ZNRF3: variants seen among roughly 807,000 people sequenced by gnomAD.
ZNRF3 encodes the protein E3 ubiquitin-protein ligase ZNRF3.
In ZNRF3, 23 loss-of-function variants were observed where a neutral mutation model predicts 72.5. That is an observed-to-expected ratio of 0.32 (90% CI 0.23 to 0.45). ZNRF3 has a LOEUF of 0.45. Ranked by LOEUF, ZNRF3 falls within the 20% of genes least tolerant of loss-of-function variation. The pLI is 1.00. For synonymous variants in ZNRF3, 610 were observed against 545.3 expected (o/e 1.12, Z -1.65); for missense variants, 1,169 against 1,272.1 (o/e 0.92, Z 1.23).
At chr22:29,013,485 C>T (rs1569281221) in intron 2 of ZNRF3, among the ~76,000 whole-genome samples, 1 of 152,146 alleles carries the variant, frequency 6.6e-6, no homozygotes, top group Non-Finnish European at 1.5e-5. Flanking sequence ...AAGACGACAC[C>T]TTGCCCTTTT....
In ZNRF3 at chr22:28,884,131, G is replaced by T. The variant is rs1601521172; in HGVS notation, c.300+65G>T. Reference sequence around the variant, plus strand: ...CAAGATGGCTCCGGGGGCTGCGCCCGCCGACCCCGCCGCGGGCTGCCTGAC... The same window carrying T: ...CAAGATGGCTCCGGGGGCTGCGCCCTCCGACCCCGCCGCGGGCTGCCTGAC... On this transcript the variant is annotated intron_variant, in intron 1 of 8. Transcript: ENST00000544604. 3.8e-6 allele frequency: 4 copies of T among 1,039,442 alleles called. No individual in the cohort carries two copies. The East Asian group carries it at 2.0e-4, about 53-fold the overall frequency. 64.4% of individuals were successfully genotyped at this position (1,039,442 alleles called of 1,614,324 possible).
Position 29,050,430 on chromosome 22 carries a change from C to A in ZNRF3, c.2249C>A (p.Pro750His), listed in dbSNP as rs1223415452. The A allele has an allele frequency of 9.9e-6, 16 of 1,608,710 alleles. No homozygotes were observed. Among genetic ancestry groups the A allele is most frequent in the Non-Finnish European group, 1.3e-5 (15 of 1,177,520 alleles). Residue 750 changes from proline to histidine, a missense_variant, in exon 8 of 9, where the codon CCC becomes CAC. This residue lies in a region of ZNRF3 where 783 missense variants were observed against 731.4 expected (regional missense o/e 1.07). Transcript: ENST00000544604. The part of the protein sequence containing the change: ...YEGSGPAGGE[P>H]QSGSSQGLYG... ...GGCTCTGGCCCGGCGGGTGGGGAGC[C>A]CCAGTCAGGAAGCTCCCAGGGCTTG...
At chr22:29,033,813 TAAGG>T (rs2036812367) in intron 2 of ZNRF3, among the ~76,000 whole-genome samples, 1 of 152,022 alleles carries the variant, frequency 6.6e-6, no homozygotes, top group Non-Finnish European at 1.5e-5. Flanking sequence ...TTGGGGGAAG[TAAGG>T]ATTGTATGAA....
chr22:28,993,582 C>T (rs912028690), intron 2 of ZNRF3, among the ~76,000 whole-genome samples: 3 of 152,120 alleles, frequency 2.0e-5, no homozygotes, highest in Non-Finnish European at 2.9e-5. Context: ...GACAGAGAAC[C>T]GAGTCAAAGG....
chr22:28,982,977 G>A (rs1256450032), intron 1 of ZNRF3, among the ~76,000 whole-genome samples: 1 of 152,164 alleles, frequency 6.6e-6, no homozygotes, highest in Non-Finnish European at 1.5e-5. Flanking sequence ...AAGGAGCTCA[G>A]GAGAGAGGGA....
At chr22:28,904,059 A>G (rs2034159369) in intron 1 of ZNRF3, among the ~76,000 whole-genome samples, 1 of 152,056 alleles carries the variant, frequency 6.6e-6, no homozygotes, top group Non-Finnish European at 1.5e-5. Flanking sequence ...TTAGAGAGTG[A>G]GCTTGTTCTT....
chr22:28,937,023 A>G (rs928059859), intron 1 of ZNRF3, among the ~76,000 whole-genome samples: 1 of 151,912 alleles, frequency 6.6e-6, no homozygotes, highest in Non-Finnish European at 1.5e-5. Context: ...ATACAGGTTT[A>G]GGATTCTTTT....
At chr22:29,012,530 C>T (rs2036363917) in intron 2 of ZNRF3, among the ~76,000 whole-genome samples, 1 of 152,128 alleles carries the variant, frequency 6.6e-6, no homozygotes, top group Non-Finnish European at 1.5e-5. Flanking sequence ...CTCTCTGGGA[C>T]CAAAGTATCA....
intron 1 of ZNRF3, among the ~76,000 whole-genome samples, chr22:28,945,148 TCA>T (rs2035029053): frequency 7.4e-6 from 1 of 134,558 alleles, no homozygotes. Flanking sequence ...AGACCCTGTC[TCA>T]AAAAAAAAAA....
intron 1 of ZNRF3, among the ~76,000 whole-genome samples, chr22:28,971,059 C>T (rs924051343): frequency 6.6e-6 from 1 of 152,118 alleles, no homozygotes; most frequent in Non-Finnish European, 1.5e-5. Context: ...TGTGGTGGCA[C>T]AAGCCTGTAG....
intron 2 of ZNRF3, among the ~76,000 whole-genome samples, chr22:29,021,038 C>T (rs948132378): frequency 4.6e-5 from 7 of 151,912 alleles, no homozygotes; most frequent in African/African-American, 1.5e-4. Context: ...GCTTGTGATC[C>T]GCCCACCTCG....
chr22:28,979,511 C>T (rs1377322098), intron 1 of ZNRF3, among the ~76,000 whole-genome samples: 1 of 152,194 alleles, frequency 6.6e-6, no homozygotes, highest in Non-Finnish European at 1.5e-5. Context: ...AGCCTTTGCT[C>T]CTATACCATT....
At chr22:28,886,150 C>T (rs879844705) in intron 1 of ZNRF3, among the ~76,000 whole-genome samples, 2 of 152,140 alleles carry the variant, frequency 1.3e-5, no homozygotes, top group Non-Finnish European at 1.5e-5. Flanking sequence ...CCTGTTTCTG[C>T]GGACAGAGTG....
chr22:28,924,247 G>C (rs1201595763), intron 1 of ZNRF3, among the ~76,000 whole-genome samples: 1 of 152,252 alleles, frequency 6.6e-6, no homozygotes, highest in African/African-American at 2.4e-5. Context: ...GGGCAGGAAT[G>C]CTGCAAGTGA....
At chr22:28,995,423 A>G (rs1319605851) in intron 2 of ZNRF3, among the ~76,000 whole-genome samples, 1 of 152,170 alleles carries the variant, frequency 6.6e-6, no homozygotes, top group Middle Eastern at 3.2e-3. Context: ...GCGAGAATCC[A>G]TCTCAAAAAA....
At chr22:28,887,548 AT>A (rs911725100) in intron 1 of ZNRF3, among the ~76,000 whole-genome samples, 58 of 150,558 alleles carry the variant, frequency 3.9e-4, no homozygotes, top group South Asian at 2.7e-3. Context: ...TGAATGAAGA[AT>A]TTTTTTTTTA....
At chr22:28,997,297 C>T (rs778609705) in intron 2 of ZNRF3, among the ~76,000 whole-genome samples, 2 of 152,094 alleles carry the variant, frequency 1.3e-5, no homozygotes, top group Non-Finnish European at 2.9e-5. Flanking sequence ...CGGTATCGTA[C>T]CTTCCCTGGT....
intron 1 of ZNRF3, among the ~76,000 whole-genome samples, chr22:28,940,325 A>G (rs2034917718): frequency 6.6e-6 from 1 of 152,190 alleles, no homozygotes; most frequent in Non-Finnish European, 1.5e-5. Context: ...ACCATGTTCC[A>G]TGTCAACCTG....
In ZNRF3 at chr22:29,051,880, CAA is replaced by C. The variant is rs758308347; in HGVS notation, c.2767+950_2767+951del. 3.9e-4 allele frequency among the ~76,000 whole-genome samples: 33 copies of C among 83,590 alleles called. 1 individual carries two copies. Among genetic ancestry groups the C allele is most frequent in the Admixed American group, 3.2e-3 (23 of 7,186 alleles). The allele number at this position is 83,590 out of a possible 152,430, so 54.8% of individuals were successfully genotyped here. On this transcript the variant is annotated intron_variant, in intron 8 of 8. Transcript: ENST00000544604. ...CGCTCCAGCCTGAGCGACTCCATCT[CAA>C]AAAAAAAAAAAAAAAAACCTAGGCC...
Sources: gnomAD v4.1 joint callset for allele counts (sites outside exome capture counted in the v4.1 genomes callset) on GRCh38, gnomAD v4.1.1 for gene constraint, gnomAD v4.1.1 regional missense constraint, MANE v1.5 for transcripts, NCBI Gene and HGNC (gene_info 2026-07-23, HGNC 2026-07-21) for gene names.